OPCML: variants seen among roughly 807,000 people sequenced by gnomAD.
The protein encoded by OPCML is opioid-binding protein/cell adhesion molecule.
Under a neutral mutation model 37.8 loss-of-function variants are expected in OPCML, and 13 were observed. The observed-to-expected ratio is 0.34, with a 90% CI of 0.22 to 0.55. The LOEUF (loss-of-function observed/expected upper bound fraction) is 0.55, where lower values mean the gene tolerates loss of function less well. Ranked by LOEUF, OPCML falls within the 20% of genes least tolerant of loss-of-function variation. The probability of loss-of-function intolerance (pLI) is 0.91; values close to 1 mark genes in which losing one functional copy is unlikely to be tolerated. For missense variants in OPCML, 341 were observed against 435.6 expected, an observed-to-expected ratio of 0.78 and a Z score of 1.93; for synonymous variants, 176 against 168.8, an observed-to-expected ratio of 1.04 and a Z score of -0.33.
chr11:132,626,840 C>G (rs1007954443), intron 3 of OPCML, among the ~76,000 whole-genome samples: 1 of 133,842 alleles, frequency 7.5e-6, no homozygotes, highest in Admixed American at 7.5e-5. Context: ...CTCTCTCTCT[C>G]TCTCTCTTTC....
At chr11:132,843,774 C>T (rs932416758) in intron 2 of OPCML, among the ~76,000 whole-genome samples, 4 of 152,262 alleles carry the variant, frequency 2.6e-5, no homozygotes, top group Admixed American at 6.5e-5. Context: ...CGAATGCTGC[C>T]GATTGTACCT....
At chr11:133,222,351 G>A (rs1026076266) in intron 1 of OPCML, among the ~76,000 whole-genome samples, 38 of 152,202 alleles carry the variant, frequency 2.5e-4, no homozygotes, top group African/African-American at 7.0e-4. Context: ...CTTCTCCAAG[G>A]CAGTGGTGGC....
At chr11:133,492,869 G>A (rs1424727725) in intron 1 of OPCML, among the ~76,000 whole-genome samples, 12 of 152,216 alleles carry the variant, frequency 7.9e-5, no homozygotes, top group Admixed American at 7.9e-4. Context: ...TGCAGAAGCA[G>A]TCTCCTTGGG....
intron 1 of OPCML, among the ~76,000 whole-genome samples, chr11:133,282,026 A>AC (rs1211101306): frequency 6.8e-6 from 1 of 146,550 alleles, no homozygotes; most frequent in Non-Finnish European, 1.5e-5. Context: ...AACAACAACA[A>AC]AAAAAAACTT....
At chr11:132,585,071 T>A (rs1025143734) in intron 3 of OPCML, among the ~76,000 whole-genome samples, 4 of 152,178 alleles carry the variant, frequency 2.6e-5, no homozygotes, top group Admixed American at 6.5e-5. Context: ...TATGGAGACA[T>A]CTTTAGGCCA....
intron 2 of OPCML, among the ~76,000 whole-genome samples, chr11:132,670,488 G>A (rs1942425254): frequency 6.6e-6 from 1 of 152,048 alleles, no homozygotes; most frequent in Admixed American, 6.6e-5. Flanking sequence ...ACTGCTAAAG[G>A]ACTGATTTAT....
At chr11:132,489,154 C>CT (rs544076362) in intron 4 of OPCML, among the ~76,000 whole-genome samples, 180 of 152,172 alleles carry the variant, frequency 1.2e-3, no homozygotes, top group Non-Finnish European at 1.6e-3. Flanking sequence ...TTTTTAAACT[C>CT]TTTTTTTAAA....
At chr11:133,514,958 C>T (rs1948234269) in intron 1 of OPCML, among the ~76,000 whole-genome samples, 1 of 152,156 alleles carries the variant, frequency 6.6e-6, no homozygotes, top group South Asian at 2.1e-4. Context: ...CTAATTTATT[C>T]CAGATATACC....
At chr11:132,991,421 C>T (rs1050751247) in intron 1 of OPCML, among the ~76,000 whole-genome samples, 2 of 152,112 alleles carry the variant, frequency 1.3e-5, no homozygotes, top group Admixed American at 6.5e-5. Context: ...CTTAGATTAG[C>T]GGTGTCCTTG....
At chr11:132,496,239 G>A (rs1207254091) in intron 4 of OPCML, among the ~76,000 whole-genome samples, 1 of 152,232 alleles carries the variant, frequency 6.6e-6, no homozygotes, top group Non-Finnish European at 1.5e-5. Context: ...ACGGATGGAT[G>A]TGAAAGTGGT....
intron 1 of OPCML, among the ~76,000 whole-genome samples, chr11:133,487,562 A>G (rs1947555503): frequency 6.6e-6 from 1 of 152,096 alleles, no homozygotes; most frequent in Admixed American, 6.5e-5. Context: ...ATTATCTGAA[A>G]TGGTCCCTTT....
chr11:132,670,689 A>G (rs2135815367), intron 2 of OPCML, among the ~76,000 whole-genome samples: 1 of 152,280 alleles, frequency 6.6e-6, no homozygotes, highest in Non-Finnish European at 1.5e-5. Flanking sequence ...AATATTTGTA[A>G]AAAAAACAAA....
chr11:133,507,883 G>T (rs752936086), intron 1 of OPCML, among the ~76,000 whole-genome samples: 13 of 151,276 alleles, frequency 8.6e-5, no homozygotes, highest in Non-Finnish European at 1.6e-4. Flanking sequence ...GGAGGCAGAG[G>T]TTGCAGTGAG....
At chr11:132,991,543 A>G (rs1270316145) in intron 1 of OPCML, among the ~76,000 whole-genome samples, 1 of 152,204 alleles carries the variant, frequency 6.6e-6, no homozygotes, top group Non-Finnish European at 1.5e-5. Context: ...ACAGCACAGT[A>G]AATAATTTGA....
Position 132,628,228 on chromosome 11 carries a change from C to A in OPCML, c.379+28859G>T, listed in dbSNP as rs557476637. Among the ~76,000 whole-genome samples, 9 of 151,972 alleles carry A rather than the reference C, an allele frequency of 5.9e-5. No individual in the cohort carries two copies. The South Asian group carries it at 1.9e-3, about 32-fold the overall frequency. ...GAGCCATGAACAGAGAAGGAGAGAG[C>A]CAGAGCCACACGGCTCACGTTACCA... On this transcript the variant is annotated intron_variant, in intron 3 of 7. Coordinates refer to ENST00000524381, the MANE Select transcript of OPCML (RefSeq NM_001012393.5).
At chr11:132,560,304 CA>C (rs1475293608) in intron 3 of OPCML, among the ~76,000 whole-genome samples, 1 of 152,156 alleles carries the variant, frequency 6.6e-6, no homozygotes, top group Non-Finnish European at 1.5e-5. Context: ...TATCAAAAAT[CA>C]AAATCTAATA....
At chr11:133,083,612 A>G (rs1488237783) in intron 1 of OPCML, among the ~76,000 whole-genome samples, 1 of 152,234 alleles carries the variant, frequency 6.6e-6, no homozygotes, top group African/African-American at 2.4e-5. Flanking sequence ...GCCACTTGCA[A>G]TGGAAAGAGA....
intron 2 of OPCML, chr11:132,810,901 T>A (rs1323505858): frequency 6.6e-6 from 1 of 152,232 alleles, no homozygotes; most frequent in African/African-American, 2.4e-5. Flanking sequence ...CTCAGTTTAA[T>A]GAATTTCTTT....
At chr11:132,447,958 A>G (rs1592189972) in intron 4 of OPCML, among the ~76,000 whole-genome samples, 1 of 152,368 alleles carries the variant, frequency 6.6e-6, no homozygotes, top group Middle Eastern at 3.4e-3. Flanking sequence ...GCCTAAGCCA[A>G]CCAGAGAGGG....
Sources: gnomAD v4.1 joint callset for allele counts (sites outside exome capture counted in the v4.1 genomes callset) on GRCh38, gnomAD v4.1.1 for gene constraint, MANE v1.5 for transcripts, NCBI Gene and HGNC (gene_info 2026-07-23, HGNC 2026-07-21) for gene names.